LIPT1: variants seen among roughly 807,000 people sequenced by gnomAD.
The protein encoded by LIPT1 is lipoyltransferase 1, also known as lipoyl amidotransferase LIPT1, mitochondrial.
In LIPT1, 22 loss-of-function variants were observed where a neutral mutation model predicts 25.1. The observed-to-expected ratio is 0.88, with a 90% CI of 0.63 to 1.25. The LOEUF (loss-of-function observed/expected upper bound fraction) is 1.25. LIPT1 is among the 50% of genes most tolerant of loss of function. The pLI is 0.00. For missense variants in LIPT1, 399 were observed against 432.8 expected (o/e 0.92, Z 0.69); for synonymous variants, 131 against 150.8 (o/e 0.87, Z 0.96).
In LIPT1 at chr2:99,162,949, T is replaced by C; in HGVS notation, c.992T>C (p.Leu331Pro). Residue 331 changes from leucine (L) to proline (P), a missense_variant, in exon 2 of 2, where the codon CTT becomes CCT. Physicochemically the swap from Leu to Pro is moderately conservative, Grantham distance 98. Transcript: ENST00000651691. ...LEIRDKLNSS[L>P]IGSKFCPTET... The stretch of plus-strand genomic sequence containing the variant: ...ATACGTGACAAATTAAATTCAAGTC[T>C]TATTGGCAGTAAGTTTTGCCCAACT... 3.7e-6 allele frequency: 6 copies of C among 1,614,010 alleles called. No homozygotes were observed. The highest frequency in any genetic ancestry group is 5.1e-6 in the Non-Finnish European group (6 of 1,179,992).
At position 99,163,113 on chromosome 2, in the gene LIPT1, G is replaced by T; in HGVS notation, c.*34G>T. 1.6e-6 allele frequency: 2 copies of T among 1,286,810 alleles called. No homozygotes were observed. The highest frequency in any genetic ancestry group is 1.0e-6 in the Non-Finnish European group (1 of 991,300). 79.7% of individuals were successfully genotyped at this position (1,286,810 alleles called of 1,614,324 possible). A position where few individuals can be genotyped will look rare whatever the true frequency, so the allele number is the denominator to read the frequency against. On this transcript the variant is annotated 3_prime_UTR_variant, in exon 2 of 2. Transcript: ENST00000651691. The stretch of plus-strand genomic sequence containing the variant: ...AAATGTCTTAATACAGTTTCAATTA[G>T]AAAATAAAATGTCTCATACTTGCAC...
At position 99,162,836 on chromosome 2, in the gene LIPT1, C is replaced by G. The variant is rs769457641; in HGVS notation, c.879C>G (p.His293Gln). 6.2e-7 allele frequency: 1 copy of G among 1,613,610 alleles called. No homozygotes were observed. The highest frequency in any genetic ancestry group is 8.5e-7 in the Non-Finnish European group (1 of 1,179,676). The change falls in exon 2 of 2, where the codon CAC becomes CAG. Residue 293 changes from histidine (H) to glutamine (Q), a missense_variant. Transcript: ENST00000651691. ...TSFHVLYEQS[H>Q]LEIKVFIDIK... Reference sequence around the variant, plus strand: ...TTCATGTGTTATATGAACAGTCACACTTGGAAATTAAAGTATTCATAGACA... The same window carrying G: ...TTCATGTGTTATATGAACAGTCACAGTTGGAAATTAAAGTATTCATAGACA...
At chr2:99,161,933 T>C in intron 1 of LIPT1, 24 bp from the exon 2 acceptor site, 1 of 1,538,758 alleles carries the variant, frequency 6.5e-7, no homozygotes, top group Non-Finnish European at 8.8e-7. Context: ...ATGAATTAAT[T>C]TGTTTGTCTT....
At chr2:99,158,807 A>G (rs1356722885) in intron 1 of LIPT1, among the ~76,000 whole-genome samples, 2 of 152,202 alleles carry the variant, frequency 1.3e-5, no homozygotes, top group Non-Finnish European at 2.9e-5. Flanking sequence ...GCTCTACTGT[A>G]CTTAACACCT....
chr2:99,157,465 A>T (rs1233345394), intron 1 of LIPT1, among the ~76,000 whole-genome samples: 1 of 152,142 alleles, frequency 6.6e-6, no homozygotes, highest in Non-Finnish European at 1.5e-5. Context: ...CTACTGCCCT[A>T]GCTTTTCCAC....
intron 1 of LIPT1, among the ~76,000 whole-genome samples, chr2:99,159,253 C>T (rs538976139): frequency 5.3e-5 from 8 of 152,048 alleles, no homozygotes; most frequent in East Asian, 3.9e-4. Flanking sequence ...TTAGTAGAGA[C>T]GGGGTTTCAC....
chr2:99,158,438 A>AG (rs1219922613), intron 1 of LIPT1, among the ~76,000 whole-genome samples: 1 of 150,986 alleles, frequency 6.6e-6, no homozygotes, highest in Non-Finnish European at 1.5e-5. Context: ...ACAAAAAAAA[A>AG]AAAAAAAAAA....
chr2:99,155,494 G>GCCC (rs2093742856), intron 1 of LIPT1: 1 of 455,974 alleles, frequency 2.2e-6, no homozygotes, highest in African/African-American at 2.0e-5. Flanking sequence ...CAGTGATGGG[G>GCCC]AGCCGTGTTT....
At position 99,162,373 on chromosome 2, in the gene LIPT1, C is replaced by T; in HGVS notation, c.416C>T (p.Ala139Val). 1.2e-6 allele frequency: 2 copies of T among 1,613,924 alleles called. No individual in the cohort carries two copies. The highest frequency in any genetic ancestry group is 1.7e-6 in the Non-Finnish European group (2 of 1,179,982). The change falls in exon 2 of 2, where the codon GCT becomes GTT. Residue 139 changes from alanine to valine, a missense_variant. Transcript: ENST00000651691. Reference protein sequence around the residue: ...NLKLIVRALNAVQPQLDVQAT... With the variant: ...NLKLIVRALNVVQPQLDVQAT... ...AAATTAATTGTGAGAGCTCTGAATG[C>T]TGTCCAACCCCAGCTGGATGTGCAG... is the stretch of plus-strand genomic sequence containing the variant.
Position 99,162,251 on chromosome 2 carries a change from GAGA to G in LIPT1, c.300_302del (p.Arg100del), listed in dbSNP as rs2093799914. On this transcript the variant is annotated inframe_deletion, in exon 2 of 2. Transcript: ENST00000651691. ...GAGAAGAAGGTATAAAACTGGCTCG[GAGA>G]AGAAGTGGAGGAGGAACAGTCTACC... The G allele has an allele frequency of 1.2e-6, 2 of 1,613,490 alleles. No homozygotes were observed. Among genetic ancestry groups the G allele is most frequent in the South Asian group, 1.1e-5 (1 of 91,078 alleles).
Position 99,162,921 on chromosome 2 carries a change from G to C in LIPT1, c.964G>C (p.Glu322Gln). The C allele has an allele frequency of 1.2e-6, 2 of 1,613,674 alleles. No individual in the cohort carries two copies. The highest frequency in any genetic ancestry group is 3.3e-5 in the Admixed American group (2 of 59,896). ...AGCACCTGATCATTGGTTGCCATTG[G>C]AAATACGTGACAAATTAAATTCAAG... is the stretch of plus-strand genomic sequence containing the variant. Reference protein sequence around the residue: ...IEAPDHWLPLEIRDKLNSSLI... With the variant: ...IEAPDHWLPLQIRDKLNSSLI... The change falls in exon 2 of 2, where the codon GAA (glutamate) becomes CAA (glutamine). Residue 322 changes from glutamate (E) to glutamine (Q), a missense_variant. Physicochemically the swap from Glu to Gln is conservative, Grantham distance 29. Coordinates refer to ENST00000651691, the MANE Select transcript of LIPT1 (RefSeq NM_145199.3).
intron 1 of LIPT1, among the ~76,000 whole-genome samples, chr2:99,160,963 G>C (rs1229709150): frequency 1.3e-5 from 2 of 151,978 alleles, no homozygotes; most frequent in Non-Finnish European, 2.9e-5. Flanking sequence ...CATTAAAGCT[G>C]ATGCAAAATA....
intron 1 of LIPT1, chr2:99,155,270 G>T: frequency 5.5e-6 from 2 of 366,276 alleles, no homozygotes; most frequent in Non-Finnish European, 1.1e-5. Context: ...AGGAGGGAGG[G>T]TAAATATCGT....
intron 1 of LIPT1, among the ~76,000 whole-genome samples, chr2:99,160,857 A>G (rs1430369879): frequency 6.6e-6 from 1 of 152,228 alleles, no homozygotes; most frequent in Non-Finnish European, 1.5e-5. Flanking sequence ...GGAAATGTTC[A>G]TGAACACATC....
At position 99,162,045 on chromosome 2, in the gene LIPT1, A is replaced by G. The variant is rs1408159711; in HGVS notation, c.88A>G (p.Asn30Asp). 3 of 1,614,204 alleles carry G rather than the reference A, an allele frequency of 1.9e-6. No homozygotes were observed. The East Asian group carries it at 6.7e-5, about 36-fold the overall frequency. ...AGCTGGCTTTAAAAAAACAGTAAAA[A>G]ATGGGCTCATTTTACAGTCAATTTC... ...PAAGFKKTVK[N>D]GLILQSISND... Residue 30 changes from asparagine to aspartate, a missense_variant, in exon 2 of 2, where the codon AAT becomes GAT. Asn to Asp is a conservative substitution (Grantham distance 23). Coordinates refer to ENST00000651691, the MANE Select transcript of LIPT1 (RefSeq NM_145199.3).
chr2:99,161,737 A>T lies in LIPT1; in HGVS notation c.-1-220A>T, dbSNP rs758791299. The T allele has an allele frequency of 1.5e-4, 70 of 461,684 alleles. 2 individuals carry two copies. The highest frequency in any genetic ancestry group is 1.3e-3 in the Admixed American group (34 of 26,450). The allele number at this position is 461,684 out of a possible 1,614,324, so 28.6% of individuals were successfully genotyped here. Reference sequence around the variant, plus strand: ...GCAGACTTATTGTTTGAAAACTGTGAAATTATTTCAACTGAAATTATTTGA... The same window carrying T: ...GCAGACTTATTGTTTGAAAACTGTGTAATTATTTCAACTGAAATTATTTGA... On this transcript the variant is annotated intron_variant, in intron 1 of 1. Transcript: ENST00000651691.
In LIPT1 at chr2:99,154,986, G is replaced by C. The variant is rs1019634467; in HGVS notation, c.-67G>C. 7 of 455,884 alleles carry C rather than the reference G, an allele frequency of 1.5e-5. No homozygotes were observed. Among genetic ancestry groups the C allele is most frequent in the South Asian group, 4.6e-5 (3 of 64,562 alleles). The allele number at this position is 455,884 out of a possible 1,614,324, so 28.2% of individuals were successfully genotyped here. ...GCGCGCAAGGCCTGCCGGTTGCTCG[G>C]GGTCGTATGACGCACTTTTCCAGCT... On this transcript the variant is annotated 5_prime_UTR_variant, in exon 1 of 2. Transcript: ENST00000651691.
At chr2:99,156,241 GTT>G (rs1199570422) in intron 1 of LIPT1, 2 of 152,048 alleles carry the variant, frequency 1.3e-5, no homozygotes, top group Non-Finnish European at 2.9e-5. Context: ...TGCAATGTAA[GTT>G]TTCTCACATA....
chr2:99,162,060 C>T lies in LIPT1; in HGVS notation c.103C>T (p.Gln35Ter), dbSNP rs757863480. The T allele has an allele frequency of 1.2e-6, 2 of 1,614,070 alleles. No homozygotes were observed. Among genetic ancestry groups the T allele is most frequent in the South Asian group, 2.2e-5 (2 of 91,082 alleles). The change falls in exon 2 of 2, where the codon CAG (glutamine) becomes TAG (stop). Residue 35 changes from glutamine to a stop codon, truncating the protein, a stop_gained. Coordinates refer to ENST00000651691, the MANE Select transcript of LIPT1 (RefSeq NM_145199.3). LOFTEE classifies it high-confidence loss of function. ...AACAGTAAAAAATGGGCTCATTTTA[C>T]AGTCAATTTCCAATGATGTCTATCA... is the stretch of plus-strand genomic sequence containing the variant. ...KKTVKNGLIL[Q>*]SISNDVYQNL...
Sources: allele counts gnomAD v4.1 joint callset (sites outside exome capture counted in the v4.1 genomes callset), GRCh38; gene constraint gnomAD v4.1.1; transcripts MANE v1.5; gene names NCBI Gene and HGNC (gene_info 2026-07-23, HGNC 2026-07-21).